The following TMEM178B variants were observed in gnomAD, a reference collection of about 807,000 sequenced individuals.
TMEM178B encodes transmembrane protein 178B.
Under a neutral mutation model 31.0 loss-of-function variants are expected in TMEM178B, and 5 were observed. The observed-to-expected ratio is 0.16, with a 90% CI of 0.08 to 0.34. TMEM178B has a LOEUF of 0.34. Ranked by LOEUF, TMEM178B falls within the 10% of genes least tolerant of loss-of-function variation. The probability of loss-of-function intolerance (pLI) is 1.00; values close to 1 mark genes in which losing one functional copy is unlikely to be tolerated. For missense variants in TMEM178B, 275 were observed against 400.3 expected (o/e 0.69, Z 2.67); for synonymous variants, 164 against 164.0 (o/e 1.00, Z 0.00).
intron 1 of TMEM178B, among the ~76,000 whole-genome samples, chr7:141,159,890 GCAA>G (rs977978782): frequency 5.3e-5 from 8 of 151,716 alleles, no homozygotes; most frequent in African/African-American, 1.9e-4. Flanking sequence ...GTTTGGCTGT[GCAA>G]CAACATGAAT....
rs754576938 is a variant in TMEM178B at position 141,318,020 on chromosome 7, G to T, written c.496+105316G>T. Reference sequence around the variant, plus strand: ...ATTTTGGCTTAAAAAAAGAAGATGGGTGTTTGGGGAGGGAATTATAGATTT... The same window carrying T: ...ATTTTGGCTTAAAAAAAGAAGATGGTTGTTTGGGGAGGGAATTATAGATTT... On this transcript the variant is annotated intron_variant, in intron 2 of 3. Coordinates refer to ENST00000565468, the MANE Select transcript of TMEM178B (RefSeq NM_001195278.2). The surrounding 1 kb of genome is among the most constrained non-coding windows in gnomAD (Gnocchi z 4.1). Among the ~76,000 whole-genome samples the T allele has an allele frequency of 6.6e-6, 1 of 152,152 alleles. No homozygotes were observed.
chr7:141,176,371 T>A (rs1796434713), intron 1 of TMEM178B, among the ~76,000 whole-genome samples: 1 of 152,246 alleles, frequency 6.6e-6, no homozygotes, highest in Non-Finnish European at 1.5e-5. Context: ...AGTATTTTAT[T>A]GAGGATTTTC....
chr7:141,120,966 AAATAAT>A (rs1795398338), intron 1 of TMEM178B, among the ~76,000 whole-genome samples: 1 of 151,242 alleles, frequency 6.6e-6, no homozygotes, highest in Non-Finnish European at 1.5e-5. Context: ...CTCTGTCTCT[AAATAAT>A]AATAATAATT....
chr7:141,169,477 G>T (rs1796314784), intron 1 of TMEM178B, among the ~76,000 whole-genome samples: 2 of 152,120 alleles, frequency 1.3e-5, no homozygotes, highest in Admixed American at 1.3e-4. Flanking sequence ...CCATGTCCTT[G>T]CTATTGTGAA....
At chr7:141,271,729 C>A (rs889008585) in intron 2 of TMEM178B, among the ~76,000 whole-genome samples, 1 of 152,192 alleles carries the variant, frequency 6.6e-6, no homozygotes, top group Non-Finnish European at 1.5e-5. Flanking sequence ...CAATACTGAA[C>A]ATTGACTGCG....
chr7:141,190,579 C>T (rs10238437), intron 1 of TMEM178B, among the ~76,000 whole-genome samples: 8 of 151,938 alleles, frequency 5.3e-5, no homozygotes, highest in Non-Finnish European at 1.2e-4. Flanking sequence ...TCAAGGTGTT[C>T]GGATTACAGG....
downstream of TMEM178B, among the ~76,000 whole-genome samples, chr7:141,481,903 G>A (rs189678202): frequency 6.6e-6 from 1 of 152,274 alleles, no homozygotes; most frequent in African/African-American, 2.4e-5. Context: ...GGGGTGAGTA[G>A]GATGGGGAAG....
chr7:141,303,989 C>T (rs905790566), intron 2 of TMEM178B, among the ~76,000 whole-genome samples: 2 of 152,138 alleles, frequency 1.3e-5, no homozygotes, highest in Non-Finnish European at 2.9e-5. Context: ...ACCACACAGC[C>T]AGCAAATAGT....
chr7:141,215,916 T>C (rs1797136442), intron 2 of TMEM178B, among the ~76,000 whole-genome samples: 1 of 149,378 alleles, frequency 6.7e-6, no homozygotes, highest in African/African-American at 2.5e-5. Context: ...TTCTTTCTTT[T>C]TTTTTTTTTG....
At chr7:141,123,880 G>A (rs939102409) in intron 1 of TMEM178B, among the ~76,000 whole-genome samples, 2 of 152,062 alleles carry the variant, frequency 1.3e-5, no homozygotes, top group African/African-American at 4.8e-5. Context: ...AGCTTCCTGA[G>A]TAGCTGGGAC....
intron 3 of TMEM178B, among the ~76,000 whole-genome samples, chr7:141,457,790 GT>G (rs1174490616): frequency 6.6e-6 from 1 of 152,220 alleles, no homozygotes; most frequent in African/African-American, 2.4e-5. Context: ...ACATCCATCA[GT>G]GTGGAGGAAT....
intron 2 of TMEM178B, among the ~76,000 whole-genome samples, chr7:141,316,780 C>A (rs1799013590): frequency 6.6e-6 from 1 of 152,194 alleles, no homozygotes. Flanking sequence ...TCCTAACTCC[C>A]TGCAGCTGGA....
At chr7:141,349,955 GCATCCATCCATC>G (rs60758674) in intron 2 of TMEM178B, among the ~76,000 whole-genome samples, 20,594 of 150,134 alleles carry the variant, frequency 0.14, 1,445 homozygotes, top group South Asian at 0.2. Flanking sequence ...ATGCATCCAT[GCATCCATCCATC>G]CATCCATCCA....
chr7:141,399,095 T>G (rs1800708146), intron 2 of TMEM178B, among the ~76,000 whole-genome samples: 1 of 152,218 alleles, frequency 6.6e-6, no homozygotes, highest in East Asian at 1.9e-4. Flanking sequence ...TTTGGAAAGA[T>G]TTCATATCAA....
chr7:141,356,990 T>C (rs6955519), intron 2 of TMEM178B, among the ~76,000 whole-genome samples: 25,847 of 152,126 alleles, frequency 0.17, 2,360 homozygotes, highest in Admixed American at 0.22. Context: ...TATGGTGGAT[T>C]GCATTGTAAT....
intron 1 of TMEM178B, among the ~76,000 whole-genome samples, chr7:141,209,559 G>T (rs975460407): frequency 6.6e-6 from 1 of 152,196 alleles, no homozygotes; most frequent in African/African-American, 2.4e-5. Context: ...CCTTGTGCTA[G>T]GGGCTGGGAA....
chr7:141,415,696 C>T (rs774133660), intron 2 of TMEM178B, among the ~76,000 whole-genome samples: 8 of 152,166 alleles, frequency 5.3e-5, no homozygotes, highest in African/African-American at 9.7e-5. Context: ...ATTTGGGGGA[C>T]AGACAGATTG....
At chr7:141,249,193 A>G (rs1797789064) in intron 2 of TMEM178B, among the ~76,000 whole-genome samples, 2 of 152,144 alleles carry the variant, frequency 1.3e-5, no homozygotes, top group Non-Finnish European at 2.9e-5. Flanking sequence ...AGATCGTTGA[A>G]TCATGGAGGA....
intron 2 of TMEM178B, among the ~76,000 whole-genome samples, chr7:141,225,221 G>A (rs550298113): frequency 6.6e-6 from 1 of 152,078 alleles, no homozygotes; most frequent in African/African-American, 2.4e-5. Context: ...CACATATCTC[G>A]TGCGGCAGGC....
Sources: allele counts gnomAD v4.1 joint callset (sites outside exome capture counted in the v4.1 genomes callset), GRCh38; gene constraint gnomAD v4.1.1; non-coding constraint Gnocchi (gnomAD v3.1); transcripts MANE v1.5; gene names NCBI Gene and HGNC (gene_info 2026-07-23, HGNC 2026-07-21).